Variants in PXDNL observed in about 807,000 individuals in gnomAD.
PXDNL encodes the protein peroxidasin like.
In PXDNL, 145 loss-of-function variants were observed where a neutral mutation model predicts 150.8. That is an observed-to-expected ratio of 0.96 (90% CI 0.84 to 1.10). The LOEUF is 1.10. Ranked by LOEUF, PXDNL falls within the 50% of genes least tolerant of loss-of-function variation. The pLI is 0.00. For missense variants in PXDNL, 2,087 were observed against 1,873.9 expected (o/e 1.11, Z -2.10); for synonymous variants, 757 against 725.7 (o/e 1.04, Z -0.69).
intron 17 of PXDNL, among the ~76,000 whole-genome samples, chr8:51,402,619 C>CA: frequency 6.6e-6 from 1 of 152,194 alleles, no homozygotes; most frequent in East Asian, 1.9e-4. Context: ...ACCGTATCCA[C>CA]AAAAAATTAC....
At chr8:51,372,187 G>A (rs888547125) in intron 18 of PXDNL, 106 bp from the exon 19 acceptor site, 5 of 711,572 alleles carry the variant, frequency 7.0e-6, no homozygotes, top group East Asian at 2.7e-5. Flanking sequence ...CATAAAAGAC[G>A]CATACTGAAA....
intron 17 of PXDNL, among the ~76,000 whole-genome samples, chr8:51,376,441 T>C (rs7009718): frequency 0.047 from 7,226 of 152,300 alleles, 540 homozygotes; most frequent in African/African-American, 0.16. Context: ...TGTTTAATTC[T>C]GGTTTGAATG....
At chr8:51,365,708 G>T (rs2130765897) in intron 19 of PXDNL, among the ~76,000 whole-genome samples, 1 of 152,334 alleles carries the variant, frequency 6.6e-6, no homozygotes, top group Non-Finnish European at 1.5e-5. Context: ...TGAGTGATAT[G>T]CTGAGACAGA....
At chr8:51,596,816 G>T (rs1028669651) in intron 2 of PXDNL, among the ~76,000 whole-genome samples, 5 of 152,034 alleles carry the variant, frequency 3.3e-5, no homozygotes, top group African/African-American at 1.2e-4. Flanking sequence ...ACCTTTATCG[G>T]ATGCACAGTT....
At chr8:51,352,117 C>A (rs915637292) in intron 19 of PXDNL, among the ~76,000 whole-genome samples, 1 of 152,056 alleles carries the variant, frequency 6.6e-6, no homozygotes, top group Admixed American at 6.6e-5. Context: ...GCACACTGCC[C>A]TCGACTTACT....
rs181984209 is a variant in PXDNL, at chr8:51,677,634, T to G, written c.165-22874A>C. On this transcript the variant is annotated intron_variant, in intron 1 of 22. Transcript: ENST00000356297. ...TTAAAAATAAATGAGTAAATAACAA[T>G]TATTTTGAAGTCACCATTTCCAAAA... Among the ~76,000 whole-genome samples the G allele has an allele frequency of 1.6e-4, 24 of 152,330 alleles. No homozygotes were observed. In the East Asian group the frequency reaches 4.0e-3, roughly 26 times the overall value.
At chr8:51,674,575 T>C (rs1292110528) in intron 1 of PXDNL, among the ~76,000 whole-genome samples, 2 of 152,240 alleles carry the variant, frequency 1.3e-5, no homozygotes, top group Non-Finnish European at 2.9e-5. Flanking sequence ...AAATGGGTTA[T>C]ATCATGAGTT....
chr8:51,760,221 CAAGTT>C (rs779825401), intron 1 of PXDNL, among the ~76,000 whole-genome samples: 1 of 152,148 alleles, frequency 6.6e-6, no homozygotes, highest in Non-Finnish European at 1.5e-5. Context: ...TACACAAGTA[CAAGTT>C]AAGTTTCACA....
intron 1 of PXDNL, among the ~76,000 whole-genome samples, chr8:51,700,619 C>T (rs903254667): frequency 6.6e-6 from 1 of 151,882 alleles, no homozygotes; most frequent in African/African-American, 2.4e-5. Flanking sequence ...AATACATGTG[C>T]ACACACATAC....
intron 19 of PXDNL, among the ~76,000 whole-genome samples, chr8:51,357,239 A>G (rs915317134): frequency 7.9e-5 from 12 of 152,214 alleles, no homozygotes; most frequent in Admixed American, 7.9e-4. Flanking sequence ...TTATAAGTAT[A>G]CTGGTTTTCT....
intron 22 of PXDNL, chr8:51,320,583 C>T: frequency 2.0e-6 from 1 of 496,824 alleles, no homozygotes; most frequent in South Asian, 3.2e-5. Flanking sequence ...TCTCTAGCGA[C>T]TGCTCATTAG....
rs542339087 is a variant in PXDNL at position 51,635,182 on chromosome 8, G to A, written c.236+19507C>T. Among the ~76,000 whole-genome samples the A allele has an allele frequency of 2.3e-4, 35 of 152,070 alleles. No individual in the cohort carries two copies. The East Asian group carries it at 4.4e-3, about 19-fold the overall frequency. On this transcript the variant is annotated intron_variant, in intron 2 of 22. Coordinates refer to ENST00000356297, the MANE Select transcript of PXDNL (RefSeq NM_144651.5). Reference sequence around the variant, plus strand: ...AAATTTAAAAATACTTAGGACAAACGAAAACAAAAATACTATATACCAAAA... The same window carrying A: ...AAATTTAAAAATACTTAGGACAAACAAAAACAAAAATACTATATACCAAAA...
chr8:51,621,688 C>T (rs1312417473), intron 2 of PXDNL, among the ~76,000 whole-genome samples: 2 of 151,860 alleles, frequency 1.3e-5, no homozygotes, highest in Non-Finnish European at 2.9e-5. Flanking sequence ...ACCTGTAATC[C>T]CCACACTTTG....
intron 1 of PXDNL, among the ~76,000 whole-genome samples, chr8:51,745,995 G>T (rs1165501794): frequency 1.3e-5 from 2 of 152,124 alleles, no homozygotes; most frequent in African/African-American, 4.8e-5. Flanking sequence ...CTGACCTCAG[G>T]TGATCCTTCT....
At chr8:51,522,003 T>C (rs1452473582) in intron 4 of PXDNL, among the ~76,000 whole-genome samples, 1 of 152,138 alleles carries the variant, frequency 6.6e-6, no homozygotes, top group African/African-American at 2.4e-5. Flanking sequence ...AGAAAATTCT[T>C]CCGGCAGAAA....
At chr8:51,567,183 G>A (rs945127043) in intron 3 of PXDNL, among the ~76,000 whole-genome samples, 3 of 151,626 alleles carry the variant, frequency 2.0e-5, no homozygotes, top group Admixed American at 6.6e-5. Flanking sequence ...GAGATGTGTT[G>A]TATGGCATAT....
chr8:51,382,804 C>G (rs1351054628), intron 17 of PXDNL, among the ~76,000 whole-genome samples: 1 of 152,110 alleles, frequency 6.6e-6, no homozygotes, highest in African/African-American at 2.4e-5. Flanking sequence ...AGATTTATGT[C>G]TATGAACTAT....
intron 2 of PXDNL, among the ~76,000 whole-genome samples, chr8:51,616,467 C>A (rs1211851247): frequency 6.6e-6 from 1 of 152,162 alleles, no homozygotes; most frequent in African/African-American, 2.4e-5. Context: ...CAGAAACACA[C>A]ACACACACTC....
intron 4 of PXDNL, among the ~76,000 whole-genome samples, chr8:51,515,983 TG>T (rs1206123104): frequency 6.6e-6 from 1 of 152,116 alleles, no homozygotes; most frequent in Non-Finnish European, 1.5e-5. Context: ...TATAAGCCTC[TG>T]GGGGGTGAAA....
Sources: gnomAD v4.1 joint callset for allele counts (sites outside exome capture counted in the v4.1 genomes callset) on GRCh38, gnomAD v4.1.1 for gene constraint, MANE v1.5 for transcripts, NCBI Gene and HGNC (gene_info 2026-07-23, HGNC 2026-07-21) for gene names.